The following PCDHA3 variants were observed in gnomAD, a reference collection of about 807,000 sequenced individuals.
PCDHA3 encodes protocadherin alpha-3.
A neutral mutation model predicts 62.2 loss-of-function variants in PCDHA3; 41 were observed. That is an observed-to-expected ratio of 0.66 (90% CI 0.51 to 0.86). The LOEUF is 0.86. Ranked by LOEUF, PCDHA3 falls within the 40% of genes least tolerant of loss-of-function variation. PCDHA3 has a pLI of 0.00. For missense variants in PCDHA3, 1,304 were observed against 1,241.2 expected (o/e 1.05, Z -0.76); for synonymous variants, 640 against 555.4 (o/e 1.15, Z -2.14).
Position 140,851,044 on chromosome 5 carries a change from G to A in PCDHA3, c.2394+47453G>A, listed in dbSNP as rs781824317. 121 of 1,389,526 alleles carry A rather than the reference G, an allele frequency of 8.7e-5. 9 individuals are homozygous for A. The highest frequency in any genetic ancestry group is 1.1e-4 in the Non-Finnish European group (114 of 1,060,604). 86.1% of individuals were successfully genotyped at this position (1,389,526 alleles called of 1,614,324 possible). On this transcript the variant is annotated intron_variant, in intron 1 of 3. Transcript: ENST00000522353. ...AAGTAAACCCCTTAACATTGGAGCC[G>A]ACTTTGTCTTGACTTCTAGTGAGAA... is the stretch of plus-strand genomic sequence containing the variant.
At chr5:140,813,879 G>A (rs1765395294) in intron 1 of PCDHA3, 1 of 152,278 alleles carries the variant, frequency 6.6e-6, no homozygotes, top group South Asian at 2.1e-4. Context: ...CACACTTGTA[G>A]TTCCAGCTAC....
chr5:140,972,287 G>T (rs2096528818), intron 1 of PCDHA3, among the ~76,000 whole-genome samples: 1 of 151,036 alleles, frequency 6.6e-6, no homozygotes, highest in Non-Finnish European at 1.5e-5. Flanking sequence ...CCATAGATGT[G>T]CGCCACCGTG....
At chr5:140,857,704 G>T in intron 1 of PCDHA3, 1 of 1,597,424 alleles carries the variant, frequency 6.3e-7, no homozygotes, top group Admixed American at 1.7e-5. Flanking sequence ...CGCTGCAGGT[G>T]TTCGTGCTGG....
intron 1 of PCDHA3, among the ~76,000 whole-genome samples, chr5:140,890,562 C>T (rs1456006217): frequency 1.3e-5 from 2 of 151,980 alleles, no homozygotes; most frequent in Non-Finnish European, 2.9e-5. Flanking sequence ...TTTTATTGTT[C>T]CATTTCCTTC....
chr5:140,969,257 A>G, intron 1 of PCDHA3: 1 of 1,614,220 alleles, frequency 6.2e-7, no homozygotes, highest in Non-Finnish European at 8.5e-7. Context: ...TGACAGCAGG[A>G]ATCTCACAGG....
At chr5:140,853,080 C>A in intron 1 of PCDHA3, 1 of 301,148 alleles carries the variant, frequency 3.3e-6, no homozygotes, top group Non-Finnish European at 5.0e-6. Context: ...GGGGTTTCAC[C>A]GTGTTAGTCA....
At chr5:140,862,306 C>T (rs184682479) in intron 1 of PCDHA3, 3 of 279,438 alleles carry the variant, frequency 1.1e-5, no homozygotes, top group Admixed American at 9.2e-5. Flanking sequence ...CACTGGGTAC[C>T]GTCATAGCCC....
At position 140,876,007 on chromosome 5, in the gene PCDHA3, G is replaced by A. The variant is rs1177191662; in HGVS notation, c.2394+72416G>A. 9 of 1,613,658 alleles carry A rather than the reference G, an allele frequency of 5.6e-6. No individual in the cohort carries two copies. Among genetic ancestry groups the A allele is most frequent in the Non-Finnish European group, 7.6e-6 (9 of 1,179,880 alleles). ...TGCGTTAAGTCTAAATGAGAATTTTGAGCTTAAAATAAAAACAAAAAAAGA... is the reference window on the plus strand; with the variant it reads ...TGCGTTAAGTCTAAATGAGAATTTTAAGCTTAAAATAAAAACAAAAAAAGA... On this transcript the variant is annotated intron_variant, in intron 1 of 3. Transcript: ENST00000522353.
chr5:140,875,675 C>G, intron 1 of PCDHA3: 8 of 1,613,858 alleles, frequency 5.0e-6, no homozygotes, highest in Non-Finnish European at 6.8e-6. Context: ...CGGGTGGCGT[C>G]CAAAAGACAC....
intron 1 of PCDHA3, chr5:140,927,063 C>T: frequency 6.2e-7 from 1 of 1,611,332 alleles, no homozygotes; most frequent in Non-Finnish European, 8.5e-7. Flanking sequence ...ACTTTCGCTT[C>T]CTTTCCAGCC....
intron 1 of PCDHA3, chr5:140,876,368 C>T (rs564115297): frequency 3.7e-5 from 59 of 1,613,904 alleles, no homozygotes; most frequent in Non-Finnish European, 4.9e-5. Context: ...AATCCAGACA[C>T]AGGTGAAATT....
chr5:140,807,654 G>A lies in PCDHA3; in HGVS notation c.2394+4063G>A, dbSNP rs1243114134. On this transcript the variant is annotated intron_variant, in intron 1 of 3. Transcript: ENST00000522353. The stretch of plus-strand genomic sequence containing the variant: ...CTTGACTCTCGGTTTCCACTAGAGG[G>A]CGCCTCGGATGCAGATATCGGGGAG... The A allele has an allele frequency of 5.0e-6, 8 of 1,614,088 alleles. No individual in the cohort carries two copies. Among genetic ancestry groups the A allele is most frequent in the African/African-American group, 4.0e-5 (3 of 74,916 alleles).
intron 1 of PCDHA3, chr5:140,841,411 G>C: frequency 6.2e-7 from 1 of 1,613,088 alleles, no homozygotes; most frequent in Non-Finnish European, 8.5e-7. Flanking sequence ...GGAGCGGCCA[G>C]CTCCACTACT....
chr5:140,869,029 A>T, intron 1 of PCDHA3: 4 of 1,526,468 alleles, frequency 2.6e-6, no homozygotes, highest in South Asian at 2.7e-5. Flanking sequence ...ATTCAACGAG[A>T]TTTTTAACCT....
At chr5:140,962,170 C>T (rs1326323755) in intron 1 of PCDHA3, among the ~76,000 whole-genome samples, 6 of 152,194 alleles carry the variant, frequency 3.9e-5, no homozygotes, top group South Asian at 4.1e-4. Context: ...CCACCACACC[C>T]GGCCACTTAT....
In PCDHA3 at chr5:140,993,233, G is replaced by A. The variant is rs143093605; in HGVS notation, c.2542+10670G>A. ...TTTAGCTTTTTGGTATGTTCTCTCT[G>A]AATCTGGGGATTTAGATATATAAAT... On this transcript the variant is annotated intron_variant, in intron 3 of 3. Coordinates refer to ENST00000522353, the MANE Select transcript of PCDHA3 (RefSeq NM_018906.3). Among the ~76,000 whole-genome samples the A allele has an allele frequency of 2.0e-5, 3 of 152,224 alleles. No individual in the cohort carries two copies. The East Asian group carries it at 5.8e-4, about 29-fold the overall frequency.
At chr5:140,910,854 T>G (rs2075197535) in intron 1 of PCDHA3, among the ~76,000 whole-genome samples, 1 of 152,212 alleles carries the variant, frequency 6.6e-6, no homozygotes, top group East Asian at 1.9e-4. Flanking sequence ...GGATCTATGT[T>G]CCATCCACCA....
intron 1 of PCDHA3, chr5:140,823,211 G>T (rs2150123519): frequency 1.2e-6 from 2 of 1,613,796 alleles, no homozygotes; most frequent in Non-Finnish European, 1.7e-6. Flanking sequence ...GTGTCTGCAC[G>T]GGACGCGGAC....
chr5:140,887,387 C>T (rs959255749), intron 1 of PCDHA3, among the ~76,000 whole-genome samples: 8 of 152,106 alleles, frequency 5.3e-5, no homozygotes, highest in Non-Finnish European at 1.5e-5. Context: ...TGAGCCACCG[C>T]GCCCGGCTCT....
Sources: gnomAD v4.1 joint callset for allele counts (sites outside exome capture counted in the v4.1 genomes callset) on GRCh38, gnomAD v4.1.1 for gene constraint, MANE v1.5 for transcripts, NCBI Gene and HGNC (gene_info 2026-07-23, HGNC 2026-07-21) for gene names.